RABL6: variants seen among roughly 807,000 people sequenced by gnomAD.
The protein encoded by RABL6 is rab-like protein 6.
Under a neutral mutation model 72.9 loss-of-function variants are expected in RABL6, and 28 were observed. The observed-to-expected ratio is 0.38, with a 90% CI of 0.28 to 0.53. RABL6 has a LOEUF of 0.53. Among genes scored for constraint, RABL6 ranks in the 20% least tolerant of loss-of-function variants. RABL6 has a pLI of 0.80. For missense variants in RABL6, 1,029 were observed against 1,008.4 expected (o/e 1.02, Z -0.28); for synonymous variants, 477 against 421.2 (o/e 1.13, Z -1.62).
Position 136,840,382 on chromosome 9 carries a change from G to A in RABL6, c.2050G>A (p.Gly684Ser), listed in dbSNP as rs1177976487. The A allele has an allele frequency of 1.3e-6, 2 of 1,554,214 alleles. No individual in the cohort carries two copies. The highest frequency in any genetic ancestry group is 1.4e-5 in the African/African-American group (1 of 73,132). ...CAAGAAGAGCAAGGACAAGGAGGAG[G>A]GCAAGGAGGAGCGGCGACGGCGGCA... ...KHKKSKDKEE[G>S]KEERRRRQQR... The change falls in exon 15 of 15, where the codon GGC (glycine) becomes AGC (serine). Residue 684 changes from glycine to serine, a missense_variant. By Grantham distance (56) the Gly-to-Ser change is moderately conservative. This residue lies in a region of RABL6 where 595 missense variants were observed against 472.4 expected (regional missense o/e 1.26). Coordinates refer to ENST00000311502, the MANE Select transcript of RABL6 (RefSeq NM_024718.5).
chr9:136,824,342 T>A (rs866517931), intron 2 of RABL6, among the ~76,000 whole-genome samples: 1,495 of 142,872 alleles, frequency 0.01, 30 homozygotes, highest in African/African-American at 0.037. Context: ...TTTTTTTTTT[T>A]TTTTTTTTGA....
intron 3 of RABL6, 26 bp from the exon 4 acceptor site, chr9:136,828,468 G>A (rs371124369): frequency 3.4e-5 from 54 of 1,611,876 alleles, no homozygotes; most frequent in East Asian, 6.7e-5. Context: ...GTTCCACCTC[G>A]TAATTTTTGT....
intron 5 of RABL6, chr9:136,831,080 T>A (rs1462396576): frequency 6.5e-6 from 1 of 154,650 alleles, no homozygotes; most frequent in Non-Finnish European, 1.5e-5. Context: ...GATGTTGCAT[T>A]TTTTACTCCC....
intron 8 of RABL6, chr9:136,836,114 A>C: frequency 2.6e-6 from 1 of 390,846 alleles, no homozygotes; most frequent in Non-Finnish European, 4.7e-6. Flanking sequence ...GCTGGTGCTC[A>C]TGGAGTGCTG....
intron 1 of RABL6, among the ~76,000 whole-genome samples, chr9:136,817,107 G>A (rs1456989811): frequency 6.6e-6 from 1 of 152,144 alleles, no homozygotes; most frequent in Non-Finnish European, 1.5e-5. Context: ...CTCTAGAAAT[G>A]AAAAACATAG....
In RABL6 at chr9:136,840,227, C is replaced by G; in HGVS notation, c.1989+15C>G. The G allele has an allele frequency of 6.2e-7, 1 of 1,612,770 alleles. No homozygotes were observed. The highest frequency in any genetic ancestry group is 8.5e-7 in the Non-Finnish European group (1 of 1,179,828). On this transcript the variant is annotated intron_variant, in intron 14 of 14. Transcript: ENST00000311502. ...AAGGCAAAGAGGTACTGGCTACTCCCCTTCCTGGCAGGCCAGGACTGGGTG... is the reference window on the plus strand; with the variant it reads ...AAGGCAAAGAGGTACTGGCTACTCCGCTTCCTGGCAGGCCAGGACTGGGTG...
At position 136,833,528 on chromosome 9, in the gene RABL6, C is replaced by T. The variant is rs1264545592; in HGVS notation, c.705+1158C>T. On this transcript the variant is annotated intron_variant, in intron 7 of 14. Coordinates refer to ENST00000311502, the MANE Select transcript of RABL6 (RefSeq NM_024718.5). ...TGAACCTCCTCGCCCTGGGCTGCCC[C>T]GACTGGGTCTGGGGGACCTGAATCT... The T allele has an allele frequency of 2.7e-4, 206 of 756,576 alleles. No individual in the cohort carries two copies. The East Asian group carries it at 5.5e-3, about 20-fold the overall frequency. The allele number at this position is 756,576 out of a possible 1,614,324, so 46.9% of individuals were successfully genotyped here.
intron 1 of RABL6, among the ~76,000 whole-genome samples, chr9:136,817,887 C>T (rs1431895563): frequency 6.6e-6 from 1 of 151,212 alleles, no homozygotes; most frequent in Non-Finnish European, 1.5e-5. Context: ...CATGGTGAAA[C>T]GCTGTCTCTA....
At chr9:136,817,179 T>C (rs1848137222) in intron 1 of RABL6, among the ~76,000 whole-genome samples, 1 of 151,966 alleles carries the variant, frequency 6.6e-6, no homozygotes, top group African/African-American at 2.4e-5. Context: ...CTAACTCAGC[T>C]GAAGAGAGGA....
intron 7 of RABL6, chr9:136,834,153 C>T: frequency 7.8e-7 from 1 of 1,279,340 alleles, no homozygotes; most frequent in Non-Finnish European, 9.9e-7. Flanking sequence ...CCTGGATTGC[C>T]TGGAAGCAAA....
chr9:136,835,464 T>G (rs1588370477), intron 7 of RABL6: 1 of 376,360 alleles, frequency 2.7e-6, no homozygotes, highest in Non-Finnish European at 4.8e-6. Flanking sequence ...TGGGTGGGGG[T>G]GCTTGCTGTT....
At chr9:136,811,055 T>C (rs1229553107) in intron 1 of RABL6, among the ~76,000 whole-genome samples, 1 of 152,194 alleles carries the variant, frequency 6.6e-6, no homozygotes, top group South Asian at 2.1e-4. Flanking sequence ...AAAACTCGAA[T>C]GAGACATTGG....
chr9:136,839,605 C>G (rs755795995), intron 12 of RABL6, 89 bp from the exon 13 acceptor site: 12 of 1,547,614 alleles, frequency 7.8e-6, no homozygotes, highest in African/African-American at 2.7e-5. Context: ...TGTCCCCACA[C>G]TTGGGCCTTG....
At chr9:136,815,062 ATCGTCCTCATCGTCC>A (rs765750793) in intron 1 of RABL6, 4 of 201,258 alleles carry the variant, frequency 2.0e-5, no homozygotes, top group Non-Finnish European at 3.1e-5. Flanking sequence ...CTTCCTCAGC[ATCGTCCTCATCGTCC>A]TCGTCCTCAT....
At chr9:136,834,735 C>G (rs1260990345) in intron 7 of RABL6, among the ~76,000 whole-genome samples, 1 of 152,076 alleles carries the variant, frequency 6.6e-6, no homozygotes, top group Non-Finnish European at 1.5e-5. Context: ...CCTTGGCCCC[C>G]CCAAAGTGCT....
At chr9:136,815,284 C>T (rs1848096975) in intron 1 of RABL6, 2 of 284,396 alleles carry the variant, frequency 7.0e-6, no homozygotes, top group South Asian at 3.8e-5. Flanking sequence ...ACTGCTTTGC[C>T]TGGAGTGACA....
intron 1 of RABL6, among the ~76,000 whole-genome samples, chr9:136,820,328 G>A (rs545923119): frequency 4.1e-4 from 62 of 152,270 alleles, no homozygotes; most frequent in Admixed American, 7.2e-4. Flanking sequence ...TGGTGCCACT[G>A]TGCTGGCTCT....
chr9:136,823,680 A>G, intron 2 of RABL6, 21 bp downstream of exon 2: 2 of 1,592,012 alleles, frequency 1.3e-6, no homozygotes, highest in Non-Finnish European at 1.7e-6. Context: ...TGGGTGCCCC[A>G]GTGGGTTCGG....
chr9:136,839,160 C>T (rs191008891), intron 11 of RABL6, 39 bp downstream of exon 11: 602 of 1,605,704 alleles, frequency 3.7e-4, no homozygotes, highest in Non-Finnish European at 4.7e-4. Context: ...CCTGGAGACC[C>T]GGGTGGGGCA....
Sources: gnomAD v4.1 joint callset for allele counts (sites outside exome capture counted in the v4.1 genomes callset) on GRCh38, gnomAD v4.1.1 for gene constraint, gnomAD v4.1.1 regional missense constraint, MANE v1.5 for transcripts, NCBI Gene and HGNC (gene_info 2026-07-23, HGNC 2026-07-21) for gene names.